LTBP1: variants seen among roughly 807,000 people sequenced by gnomAD.
LTBP1 encodes latent transforming growth factor beta binding protein 1.
LTBP1 carries 129 observed loss-of-function variants against 207.6 expected under a neutral mutation model. The observed-to-expected ratio is 0.62, with a 90% CI of 0.54 to 0.72. The LOEUF (loss-of-function observed/expected upper bound fraction) is 0.72, where lower values mean the gene tolerates loss of function less well. LTBP1 is among the 30% of genes least tolerant of loss of function. The pLI, the probability that LTBP1 is intolerant of heterozygous loss-of-function variation, is 0.00. For missense variants in LTBP1, 2,281 were observed against 2,217.2 expected, an observed-to-expected ratio of 1.03 and a Z score of -0.58; for synonymous variants, 963 against 833.7, an observed-to-expected ratio of 1.16 and a Z score of -2.67.
At chr2:33,168,345 C>T (rs1363302163) in intron 5 of LTBP1, among the ~76,000 whole-genome samples, 2 of 148,500 alleles carry the variant, frequency 1.3e-5, no homozygotes, top group Non-Finnish European at 3.0e-5. Flanking sequence ...ATGATGCCAC[C>T]ACTGCACTCT....
chr2:33,169,208 C>G (rs917285646), intron 5 of LTBP1, among the ~76,000 whole-genome samples: 2 of 152,170 alleles, frequency 1.3e-5, no homozygotes, highest in Non-Finnish European at 2.9e-5. Flanking sequence ...GGGAACGTTT[C>G]TCTGCTTTTG....
chr2:33,191,707 A>G (rs1558787094), intron 7 of LTBP1, among the ~76,000 whole-genome samples: 1 of 152,208 alleles, frequency 6.6e-6, no homozygotes, highest in East Asian at 1.9e-4. Flanking sequence ...TAGATTTTAA[A>G]TGGCAGATAA....
intron 2 of LTBP1, among the ~76,000 whole-genome samples, chr2:33,006,844 G>A (rs990935464): frequency 6.6e-6 from 1 of 152,022 alleles, no homozygotes; most frequent in African/African-American, 2.4e-5. Context: ...CAGTAAGAGA[G>A]CTAGTAGCCA....
At chr2:33,022,486 T>C (rs935617190) in intron 3 of LTBP1, among the ~76,000 whole-genome samples, 9 of 152,148 alleles carry the variant, frequency 5.9e-5, no homozygotes, top group African/African-American at 1.9e-4. Context: ...TTTAAACACT[T>C]ATTGTGTATT....
chr2:33,313,276 GC>G (rs2094213479), intron 23 of LTBP1, among the ~76,000 whole-genome samples: 2 of 152,144 alleles, frequency 1.3e-5, no homozygotes, highest in Non-Finnish European at 1.5e-5. Context: ...CGATGGACAG[GC>G]CAAATAATCT....
chr2:33,362,268 C>T (rs1329225456), intron 28 of LTBP1, among the ~76,000 whole-genome samples: 1 of 151,978 alleles, frequency 6.6e-6, no homozygotes, highest in Non-Finnish European at 1.5e-5. Context: ...TTTTATTGTC[C>T]ATTTTTGGAA....
At chr2:33,181,453 G>C (rs1164306969) in intron 5 of LTBP1, among the ~76,000 whole-genome samples, 2 of 152,180 alleles carry the variant, frequency 1.3e-5, no homozygotes. Flanking sequence ...AAAACCTCCA[G>C]CTTGTTGTTC....
chr2:33,337,520 T>C (rs528310944), intron 24 of LTBP1, among the ~76,000 whole-genome samples: 1 of 152,352 alleles, frequency 6.6e-6, no homozygotes, highest in Non-Finnish European at 1.5e-5. Flanking sequence ...CATTGAAATA[T>C]CAATATTTAT....
intron 5 of LTBP1, among the ~76,000 whole-genome samples, chr2:33,154,551 A>G (rs905125716): frequency 1.5e-4 from 23 of 152,250 alleles, no homozygotes; most frequent in South Asian, 2.1e-4. Context: ...AAGGCTGCAT[A>G]TTCCATCCTG....
chr2:33,261,766 G>A (rs1263067859), intron 13 of LTBP1, among the ~76,000 whole-genome samples: 1 of 152,228 alleles, frequency 6.6e-6, no homozygotes, highest in Non-Finnish European at 1.5e-5. Context: ...TACCCTGTAA[G>A]CATTTGTGCT....
chr2:33,056,850 G>A (rs527471851), intron 3 of LTBP1, among the ~76,000 whole-genome samples: 7 of 152,072 alleles, frequency 4.6e-5, no homozygotes, highest in African/African-American at 1.7e-4. Context: ...GCTGGCTCAG[G>A]CAGCCTCCTT....
chr2:33,261,967 T>A lies in LTBP1; in HGVS notation c.2419-755T>A, dbSNP rs2093024168. 1.3e-5 allele frequency among the ~76,000 whole-genome samples: 2 copies of A among 152,174 alleles called. 1 individual carries two copies. Among genetic ancestry groups the A allele is most frequent in the South Asian group, 4.1e-4 (2 of 4,826 alleles). On this transcript the variant is annotated intron_variant, in intron 13 of 33. Transcript: ENST00000404816. ...TAGTGATATGAGCTCCCTGGTCACA[T>A]CTGGTGTGAGTGAAGTCACAGATCC...
rs1422321697 is a variant in LTBP1, at chr2:33,134,688, C to G, written c.1034-105C>G. On this transcript the variant is annotated intron_variant, in intron 4 of 33. Coordinates refer to ENST00000404816, the MANE Select transcript of LTBP1 (RefSeq NM_206943.4). The surrounding 1 kb of genome is among the most constrained non-coding windows in gnomAD (Gnocchi z 4.4). ...GTGGGCTCTCTCTTTTCCCCTCTTGCTCCTTTCTTTTCTTTTTTTCTGTTT... is the reference window on the plus strand; with the variant it reads ...GTGGGCTCTCTCTTTTCCCCTCTTGGTCCTTTCTTTTCTTTTTTTCTGTTT... 6.2e-7 allele frequency: 1 copy of G among 1,602,322 alleles called. No homozygotes were observed. The highest frequency in any genetic ancestry group is 2.2e-5 in the East Asian group (1 of 44,832).
At chr2:32,964,198 C>A (rs928201258) in intron 2 of LTBP1, among the ~76,000 whole-genome samples, 1 of 152,140 alleles carries the variant, frequency 6.6e-6, no homozygotes, top group South Asian at 2.1e-4. Flanking sequence ...TGTTTGGAAA[C>A]AGCCCAGTTG....
rs12620261 is a variant in LTBP1, at chr2:33,209,083, G to C, written c.1702-8469G>C. Among the ~76,000 whole-genome samples, 43 of 152,104 alleles carry C rather than the reference G, an allele frequency of 2.8e-4. 1 individual carries two copies. The East Asian group carries it at 8.3e-3, about 29-fold the overall frequency. On this transcript the variant is annotated intron_variant, in intron 7 of 33. Coordinates refer to ENST00000404816, the MANE Select transcript of LTBP1 (RefSeq NM_206943.4). ...AGACTGGGTTTCACCATGTTGGCCA[G>C]GCTGGTTTCGAACTCCTGACCTCAA...
intron 7 of LTBP1, among the ~76,000 whole-genome samples, chr2:33,191,382 A>C (rs944574199): frequency 9.9e-5 from 15 of 152,230 alleles, no homozygotes; most frequent in Admixed American, 9.8e-4. Context: ...TAAAAGATCC[A>C]AACAGTGATC....
At chr2:33,263,976 C>T (rs1292222967) in intron 15 of LTBP1, among the ~76,000 whole-genome samples, 1 of 140,464 alleles carries the variant, frequency 7.1e-6, no homozygotes, top group Non-Finnish European at 1.5e-5. Context: ...AAAAAAAGGA[C>T]TGGGTGCGGT....
At chr2:33,086,696 T>C (rs904849856) in intron 3 of LTBP1, among the ~76,000 whole-genome samples, 4 of 152,172 alleles carry the variant, frequency 2.6e-5, no homozygotes, top group African/African-American at 4.8e-5. Context: ...TAACTATTTT[T>C]ATCTTTAATA....
At chr2:33,015,436 A>G (rs545498567) in intron 2 of LTBP1, among the ~76,000 whole-genome samples, 89 of 152,316 alleles carry the variant, frequency 5.8e-4, no homozygotes, top group African/African-American at 1.9e-3. Context: ...TAGTGGCTCT[A>G]TGTTTATATC....
Sources: allele counts gnomAD v4.1 joint callset (sites outside exome capture counted in the v4.1 genomes callset), GRCh38; gene constraint gnomAD v4.1.1; non-coding constraint Gnocchi (gnomAD v3.1); transcripts MANE v1.5; gene names NCBI Gene and HGNC (gene_info 2026-07-23, HGNC 2026-07-21).